Variants in GPHN observed in about 807,000 individuals in gnomAD.
GPHN encodes gephyrin.
In GPHN, 17 loss-of-function variants were observed where a neutral mutation model predicts 95.5. The ratio of observed to expected loss-of-function variants is 0.18; its 90% confidence interval spans 0.12 to 0.27. The LOEUF is 0.27. Among genes scored for constraint, GPHN ranks in the 10% least tolerant of loss-of-function variants. The pLI is 1.00. For synonymous variants in GPHN, 320 were observed against 322.5 expected (o/e 0.99, Z 0.08); for missense variants, 660 against 978.1 (o/e 0.67, Z 4.34).
the GPHN span, among the ~76,000 whole-genome samples, chr14:67,342,513 A>G: frequency 6.7e-6 from 1 of 149,796 alleles, no homozygotes; most frequent in African/African-American, 2.4e-5. Context: ...TTACCTGTTC[A>G]GCTTCTAGAA....
At chr14:67,508,276 T>C in the GPHN span, among the ~76,000 whole-genome samples, 2 of 152,252 alleles carry the variant, frequency 1.3e-5, no homozygotes, top group East Asian at 3.9e-4. Flanking sequence ...CTCTGACTTC[T>C]GACAGTTCCA....
At chr14:66,803,689 T>C (rs1309762511) in intron 3 of GPHN, among the ~76,000 whole-genome samples, 2 of 152,138 alleles carry the variant, frequency 1.3e-5, no homozygotes, top group Admixed American at 6.5e-5. Flanking sequence ...TTTTCCTCTT[T>C]CTTTTTTCTT....
the GPHN span, among the ~76,000 whole-genome samples, chr14:67,590,977 A>G: frequency 1.3e-5 from 2 of 152,266 alleles, no homozygotes; most frequent in Admixed American, 1.3e-4. Context: ...GTTTTACACA[A>G]TGAAATGTAA....
chr14:67,681,092 C>G, the GPHN span, among the ~76,000 whole-genome samples: 1 of 152,146 alleles, frequency 6.6e-6, no homozygotes, highest in Admixed American at 6.5e-5. Flanking sequence ...AAGGAGGTAA[C>G]TAAGGTTAAA....
chr14:67,047,318 T>TTGTGTGTG (rs141822405), intron 10 of GPHN, among the ~76,000 whole-genome samples: 6 of 132,882 alleles, frequency 4.5e-5, no homozygotes, highest in Non-Finnish European at 1.6e-5. Flanking sequence ...TTCATTTATT[T>TTGTGTGTG]TGTGTGTGTG....
At chr14:67,254,873 G>C in the GPHN span, among the ~76,000 whole-genome samples, 1 of 152,122 alleles carries the variant, frequency 6.6e-6, no homozygotes, top group South Asian at 2.1e-4. Context: ...ATCTCTGGCC[G>C]GGCGCAGTGG....
At chr14:67,591,648 C>T in the GPHN span, among the ~76,000 whole-genome samples, 1 of 152,134 alleles carries the variant, frequency 6.6e-6, no homozygotes, top group East Asian at 1.9e-4. Context: ...CCTCCCACCT[C>T]AGCTTCCCCA....
chr14:67,526,964 T>C, the GPHN span, among the ~76,000 whole-genome samples: 1 of 152,184 alleles, frequency 6.6e-6, no homozygotes, highest in Non-Finnish European at 1.5e-5. Flanking sequence ...TCAAGGGAGA[T>C]AATAGACCTA....
chr14:67,156,635 G>A (rs1166098433), intron 18 of GPHN, among the ~76,000 whole-genome samples: 1 of 152,114 alleles, frequency 6.6e-6, no homozygotes, highest in Admixed American at 6.6e-5. Context: ...CAAAGCAGAA[G>A]TGACAAATGG....
rs118018957 is a variant in GPHN at position 67,158,931 on chromosome 14, A to G, written c.1837-484A>G. 2.6e-5 allele frequency among the ~76,000 whole-genome samples: 4 copies of G among 152,306 alleles called. No individual in the cohort carries two copies. In the East Asian group the frequency reaches 7.7e-4, roughly 29 times the overall value. ...TCAAGTCTCTCTTCAAGGAATGTATATGGCTTTAAGATCATTAAGCAGAAT... is the reference window on the plus strand; with the variant it reads ...TCAAGTCTCTCTTCAAGGAATGTATGTGGCTTTAAGATCATTAAGCAGAAT... On this transcript the variant is annotated intron_variant, in intron 18 of 22. Transcript: ENST00000478722.
the GPHN span, among the ~76,000 whole-genome samples, chr14:67,371,445 C>T: frequency 2.6e-5 from 4 of 151,736 alleles, no homozygotes; most frequent in African/African-American, 9.7e-5. Flanking sequence ...GTTAAGGAGG[C>T]GGGAACACTT....
the GPHN span, among the ~76,000 whole-genome samples, chr14:67,505,054 C>A: frequency 6.6e-6 from 1 of 152,122 alleles, no homozygotes; most frequent in Non-Finnish European, 1.5e-5. Flanking sequence ...CAAATTGACT[C>A]AAATGAGTAG....
intron 1 of GPHN, among the ~76,000 whole-genome samples, chr14:66,572,432 C>T (rs74400369): frequency 0.021 from 3,143 of 151,716 alleles, 55 homozygotes; most frequent in Middle Eastern, 0.1. Flanking sequence ...GTGCGTGTTT[C>T]GTACTTTTCA....
intron 6 of GPHN, 22 bp downstream of exon 6, chr14:66,916,091 A>G: frequency 1.3e-6 from 2 of 1,483,756 alleles, no homozygotes; most frequent in Non-Finnish European, 9.4e-7. Flanking sequence ...GGACATATTA[A>G]TGGTTTAGTG....
the GPHN span, chr14:67,388,219 C>T: frequency 1.2e-6 from 2 of 1,605,456 alleles, no homozygotes; most frequent in Non-Finnish European, 8.5e-7. Flanking sequence ...GAAGTTGTAC[C>T]TTACCAGTGG....
chr14:66,563,295 G>A (rs1433090080), intron 1 of GPHN, among the ~76,000 whole-genome samples: 31 of 152,066 alleles, frequency 2.0e-4, no homozygotes, highest in Non-Finnish European at 4.4e-4. Flanking sequence ...TGTAATTTAA[G>A]CTTCGTATCA....
intron 10 of GPHN, among the ~76,000 whole-genome samples, chr14:67,027,980 A>C (rs2074009876): frequency 6.6e-6 from 1 of 152,158 alleles, no homozygotes; most frequent in African/African-American, 2.4e-5. Flanking sequence ...GAACTTATTC[A>C]TTCTATATAA....
At chr14:67,031,186 A>G (rs1175194295) in intron 10 of GPHN, among the ~76,000 whole-genome samples, 1 of 152,000 alleles carries the variant, frequency 6.6e-6, no homozygotes, top group African/African-American at 2.4e-5. Context: ...ATACCCCTTA[A>G]TTTGTCATAG....
intron 11 of GPHN, among the ~76,000 whole-genome samples, chr14:67,060,049 TA>T (rs972543623): frequency 2.0e-5 from 3 of 151,974 alleles, no homozygotes; most frequent in Non-Finnish European, 4.4e-5. Context: ...ACTTAAGTTA[TA>T]AAAAAATTAA....
Sources: gnomAD v4.1 joint callset for allele counts (sites outside exome capture counted in the v4.1 genomes callset) on GRCh38, gnomAD v4.1.1 for gene constraint, MANE v1.5 for transcripts, NCBI Gene and HGNC (gene_info 2026-07-23, HGNC 2026-07-21) for gene names.